FREM1: variants seen among roughly 807,000 people sequenced by gnomAD.
The protein encoded by FREM1 is FRAS1-related extracellular matrix protein 1.
FREM1 carries 220 observed loss-of-function variants against 210.1 expected under a neutral mutation model. That is an observed-to-expected ratio of 1.05 (90% CI 0.94 to 1.17). The LOEUF (loss-of-function observed/expected upper bound fraction) is 1.17. Among genes scored for constraint, FREM1 ranks in the 50% most tolerant of loss-of-function variants. FREM1 has a pLI of 0.00. For missense variants in FREM1, 3,454 were observed against 2,675.5 expected, an observed-to-expected ratio of 1.29 and a Z score of -6.42; for synonymous variants, 1,189 against 980.2, an observed-to-expected ratio of 1.21 and a Z score of -3.98.
intron 1 of FREM1, among the ~76,000 whole-genome samples, chr9:14,906,411 T>C (rs112147687): frequency 0.014 from 2,081 of 152,334 alleles, 63 homozygotes; most frequent in African/African-American, 0.047. Context: ...TACCATGTGA[T>C]AATAAAAAGG....
chr9:14,877,212 C>T (rs1165407073), intron 1 of FREM1, among the ~76,000 whole-genome samples: 2 of 152,038 alleles, frequency 1.3e-5, no homozygotes, highest in East Asian at 1.9e-4. Flanking sequence ...GGACCTCAAA[C>T]TTACACCTCT....
intron 17 of FREM1, among the ~76,000 whole-genome samples, 166 bp downstream of exon 17, chr9:14,807,774 T>C (rs1207591216): frequency 6.6e-6 from 1 of 152,182 alleles, no homozygotes; most frequent in Non-Finnish European, 1.5e-5. Flanking sequence ...CCCATAATCT[T>C]AACAGATTTG....
intron 1 of FREM1, among the ~76,000 whole-genome samples, chr9:14,905,958 C>T (rs192356694): frequency 7.6e-4 from 116 of 152,116 alleles, no homozygotes; most frequent in African/African-American, 2.5e-3. Flanking sequence ...TTAAAGGCCA[C>T]GGGAGTGGTG....
chr9:14,825,531 A>G (rs1364495935), intron 10 of FREM1, among the ~76,000 whole-genome samples: 13 of 54,490 alleles, frequency 2.4e-4, no homozygotes, highest in South Asian at 1.0e-3. Context: ...ACATATATAT[A>G]TATATGTGTG....
chr9:14,757,343 T>C (rs1844591045), intron 28 of FREM1, among the ~76,000 whole-genome samples: 1 of 152,098 alleles, frequency 6.6e-6, no homozygotes, highest in Non-Finnish European at 1.5e-5. Flanking sequence ...TCACTTGAGG[T>C]CAGGAGTTCA....
rs1840570141 is a variant in FREM1 at position 14,737,337 on chromosome 9, A to C, written c.*59T>G. 2 of 1,318,816 alleles carry C rather than the reference A, an allele frequency of 1.5e-6. No homozygotes were observed. Among genetic ancestry groups the C allele is most frequent in the Non-Finnish European group, 2.1e-6 (2 of 931,932 alleles). 81.7% of individuals were successfully genotyped at this position (1,318,816 alleles called of 1,614,324 possible). On this transcript the variant is annotated 3_prime_UTR_variant, in exon 37 of 37. Coordinates refer to ENST00000380880, the MANE Select transcript of FREM1 (RefSeq NM_001379081.2). ...TTGTTTTCTATGGAGCAATATTCACAGATCCTGTGAATAAATAGGTGACAA... is the reference window on the plus strand; with the variant it reads ...TTGTTTTCTATGGAGCAATATTCACCGATCCTGTGAATAAATAGGTGACAA...
intron 25 of FREM1, 106 bp downstream of exon 25, chr9:14,775,683 G>C: frequency 1.4e-6 from 1 of 735,824 alleles, no homozygotes; most frequent in Non-Finnish European, 2.2e-6. Context: ...ACTGCAGCCT[G>C]GGTGACAGAG....
chr9:14,851,598 C>T lies in FREM1; in HGVS notation c.838G>A (p.Ala280Thr). Residue 280 changes from alanine (A) to threonine (T), a missense_variant, in exon 6 of 37, where the codon GCG (alanine) becomes ACG (threonine). Physicochemically the swap from Ala to Thr is moderately conservative, Grantham distance 58. Coordinates refer to ENST00000380880, the MANE Select transcript of FREM1 (RefSeq NM_001379081.2). ...GCTCTGATATAGACAGGCAGCCACG[C>T]ACTCTCTGACTTTTGAAGGATAGAG... Reference protein sequence around the residue: ...RSKIVYKSESAWLPVYIRAGI... With the variant: ...RSKIVYKSESTWLPVYIRAGI... 1 of 1,612,480 alleles carries T rather than the reference C, an allele frequency of 6.2e-7. No individual in the cohort carries two copies. Among genetic ancestry groups the T allele is most frequent in the Non-Finnish European group, 8.5e-7 (1 of 1,178,552 alleles).
At chr9:14,872,413 T>G (rs932479931) in intron 1 of FREM1, among the ~76,000 whole-genome samples, 1 of 152,210 alleles carries the variant, frequency 6.6e-6, no homozygotes, top group African/African-American at 2.4e-5. Context: ...CCTAGGCATT[T>G]TATCCTCTTT....
chr9:14,818,638 G>A (rs564024376), intron 14 of FREM1, among the ~76,000 whole-genome samples: 10 of 152,302 alleles, frequency 6.6e-5, no homozygotes, highest in Admixed American at 2.0e-4. Context: ...GCATTAGGTA[G>A]AGGAAATGAA....
chr9:14,874,019 T>C lies in FREM1; in HGVS notation c.-267-4775A>G, dbSNP rs1833220375. On this transcript the variant is annotated intron_variant, in intron 1 of 36. Transcript: ENST00000380880. Reference sequence around the variant, plus strand: ...ATCCTGAGTTCTAGTTTCATTGCACTGTGGTCTGAGGGACAGTTTGTTATC... The same window carrying C: ...ATCCTGAGTTCTAGTTTCATTGCACCGTGGTCTGAGGGACAGTTTGTTATC... Among the ~76,000 whole-genome samples, 4 of 152,368 alleles carry C rather than the reference T, an allele frequency of 2.6e-5. No individual in the cohort carries two copies. The South Asian group carries it at 8.3e-4, about 32-fold the overall frequency.
At chr9:14,805,174 C>T (rs199806558) in intron 18 of FREM1, 22 bp from the exon 19 acceptor site, 6 of 1,425,960 alleles carry the variant, frequency 4.2e-6, no homozygotes, top group East Asian at 4.7e-5. Context: ...CAAGATGGAA[C>T]AGATAAATAA....
In FREM1 at chr9:14,792,845, A is replaced by G. The variant is rs943839679; in HGVS notation, c.3879T>C (p.Ile1293=). 23 of 1,597,116 alleles carry G rather than the reference A, an allele frequency of 1.4e-5. No individual in the cohort carries two copies. The highest frequency in any genetic ancestry group is 1.6e-4 in the Middle Eastern group (1 of 6,062). Residue 1293 remains isoleucine (I), a synonymous_variant, in exon 22 of 37, where the codon ATT becomes ATC. Coordinates refer to ENST00000380880, the MANE Select transcript of FREM1 (RefSeq NM_001379081.2). ...TGGCTGAAAGAATAGCACTGGAAAT[A>G]ATACGAGTTTCACCCATATTCATTG... is the stretch of plus-strand genomic sequence containing the variant. The part of the protein sequence containing the change: ...EIAMNMGETR[I]ISSAILSAID...
At chr9:14,747,532 AG>A (rs1190171495) in intron 32 of FREM1, 104 bp from the exon 33 acceptor site, 16 of 1,239,782 alleles carry the variant, frequency 1.3e-5, no homozygotes, top group Non-Finnish European at 1.7e-5. Context: ...AAAAGATAAG[AG>A]GATTTGTTTC....
At chr9:14,798,421 G>T (rs1460927894) in intron 20 of FREM1, among the ~76,000 whole-genome samples, 1 of 152,032 alleles carries the variant, frequency 6.6e-6, no homozygotes, top group Non-Finnish European at 1.5e-5. Context: ...GGCCAGTTCG[G>T]AAAACATAAT....
intron 24 of FREM1, among the ~76,000 whole-genome samples, chr9:14,784,018 C>T (rs914770694): frequency 1.3e-5 from 2 of 152,280 alleles, no homozygotes; most frequent in Admixed American, 6.5e-5. Context: ...CACATTTCTC[C>T]TCGTAGCAGA....
intron 1 of FREM1, among the ~76,000 whole-genome samples, chr9:14,897,899 G>A (rs1268352654): frequency 6.6e-6 from 1 of 152,146 alleles, no homozygotes; most frequent in African/African-American, 2.4e-5. Flanking sequence ...TAGCCAAGGA[G>A]TCTAATAAGA....
At chr9:14,858,500 AC>A (rs1829205689) in intron 4 of FREM1, among the ~76,000 whole-genome samples, 1 of 134,328 alleles carries the variant, frequency 7.4e-6, no homozygotes, top group African/African-American at 2.9e-5. Context: ...ATGCCCAGCC[AC>A]CCACTTTTTT....
chr9:14,810,399 G>C (rs1453242800), intron 16 of FREM1, among the ~76,000 whole-genome samples: 1 of 152,096 alleles, frequency 6.6e-6, no homozygotes, highest in Non-Finnish European at 1.5e-5. Flanking sequence ...CCTTGAAATG[G>C]AATATAGCCT....
Sources: gnomAD v4.1 joint callset for allele counts (sites outside exome capture counted in the v4.1 genomes callset) on GRCh38, gnomAD v4.1.1 for gene constraint, MANE v1.5 for transcripts, NCBI Gene and HGNC (gene_info 2026-07-23, HGNC 2026-07-21) for gene names.